MAGI2: variants seen among roughly 807,000 people sequenced by gnomAD.
MAGI2 encodes the protein membrane associated guanylate kinase, WW and PDZ domain containing 2, also known as membrane-associated guanylate kinase, WW and PDZ domain-containing protein 2.
MAGI2 carries 35 observed loss-of-function variants against 133.3 expected under a neutral mutation model. The observed-to-expected ratio is 0.26, with a 90% CI of 0.20 to 0.35. MAGI2 has a LOEUF of 0.35. MAGI2 is among the 10% of genes least tolerant of loss of function. MAGI2 has a pLI of 1.00. For missense variants in MAGI2, 1,636 were observed against 1,863.4 expected, an observed-to-expected ratio of 0.88 and a Z score of 2.25; for synonymous variants, 729 against 710.6, an observed-to-expected ratio of 1.03 and a Z score of -0.41.
At chr7:78,805,255 GT>G (rs1788475668) in intron 2 of MAGI2, among the ~76,000 whole-genome samples, 3 of 133,152 alleles carry the variant, frequency 2.3e-5, no homozygotes, top group Non-Finnish European at 3.2e-5. Flanking sequence ...TGAAGGAAGA[GT>G]AAAAAAAAAA....
chr7:79,231,733 C>T (rs1429028129), intron 1 of MAGI2, among the ~76,000 whole-genome samples: 2 of 136,212 alleles, frequency 1.5e-5, no homozygotes, highest in Non-Finnish European at 3.2e-5. Context: ...ATCATGTCGT[C>T]GGCAAACAGG....
At chr7:78,777,544 T>C (rs1432632529) in intron 2 of MAGI2, among the ~76,000 whole-genome samples, 2 of 152,142 alleles carry the variant, frequency 1.3e-5, no homozygotes, top group Non-Finnish European at 2.9e-5. Context: ...TTCACTACTA[T>C]CACTATCACC....
At chr7:78,837,472 C>T (rs1791737907) in intron 2 of MAGI2, among the ~76,000 whole-genome samples, 10 of 151,888 alleles carry the variant, frequency 6.6e-5, no homozygotes, top group Admixed American at 5.3e-4. Context: ...GAAGATAGAA[C>T]GAAAATAGTT....
At chr7:78,894,290 T>C (rs987951909) in intron 2 of MAGI2, among the ~76,000 whole-genome samples, 1 of 152,096 alleles carries the variant, frequency 6.6e-6, no homozygotes. Flanking sequence ...TAGTCCCAGC[T>C]ACTCCGGAGG....
intron 6 of MAGI2, among the ~76,000 whole-genome samples, chr7:78,383,277 A>G (rs910205487): frequency 1.3e-5 from 2 of 151,714 alleles, no homozygotes; most frequent in Non-Finnish European, 2.9e-5. Context: ...AACATCTGGT[A>G]TTTTTTTTGT....
chr7:78,887,407 G>A (rs28581269), intron 2 of MAGI2, among the ~76,000 whole-genome samples: 2,123 of 152,286 alleles, frequency 0.014, 47 homozygotes, highest in African/African-American at 0.049. Flanking sequence ...ATTTGAATCA[G>A]AAATTCTGGG....
intron 1 of MAGI2, among the ~76,000 whole-genome samples, chr7:79,242,704 T>C (rs1401564345): frequency 6.6e-6 from 1 of 152,224 alleles, no homozygotes; most frequent in Non-Finnish European, 1.5e-5. Context: ...TGTCCTTTTT[T>C]GGAGTTAACA....
intron 1 of MAGI2, among the ~76,000 whole-genome samples, chr7:79,039,855 TTATATATA>T (rs901795545): frequency 7.0e-6 from 1 of 142,910 alleles, no homozygotes; most frequent in African/African-American, 2.6e-5. Context: ...TACATATATA[TTATATATA>T]TATAATATAT....
chr7:78,155,891 C>A (rs963821016), intron 16 of MAGI2, among the ~76,000 whole-genome samples: 1 of 152,152 alleles, frequency 6.6e-6, no homozygotes, highest in Non-Finnish European at 1.5e-5. Context: ...AAGTAAGAAA[C>A]CCTAACTCCC....
intron 6 of MAGI2, among the ~76,000 whole-genome samples, chr7:78,480,000 A>G (rs1269968399): frequency 1.3e-5 from 2 of 151,960 alleles, no homozygotes; most frequent in East Asian, 1.9e-4. Flanking sequence ...AGTGGATATA[A>G]CAGGGCAGAA....
chr7:79,239,451 A>T (rs1257048965), intron 1 of MAGI2, among the ~76,000 whole-genome samples: 2 of 152,170 alleles, frequency 1.3e-5, no homozygotes. Context: ...GGTTTCAACA[A>T]CTCATCTTTT....
chr7:78,381,150 C>A (rs1230187371), intron 6 of MAGI2, among the ~76,000 whole-genome samples: 1 of 152,092 alleles, frequency 6.6e-6, no homozygotes, highest in Non-Finnish European at 1.5e-5. Context: ...AGTTTGAGAC[C>A]AGCCTGGCCA....
chr7:79,164,086 C>A (rs1824689886), intron 1 of MAGI2, among the ~76,000 whole-genome samples: 1 of 152,054 alleles, frequency 6.6e-6, no homozygotes, highest in South Asian at 2.1e-4. Context: ...GCCTTCCTAG[C>A]ACCCTGAGAC....
intron 4 of MAGI2, among the ~76,000 whole-genome samples, chr7:78,511,120 A>G (rs1481675627): frequency 1.3e-5 from 2 of 152,228 alleles, no homozygotes; most frequent in African/African-American, 4.8e-5. Context: ...CACTGCTGGA[A>G]GCTGGCTTAG....
intron 2 of MAGI2, among the ~76,000 whole-genome samples, chr7:78,811,005 T>A (rs1379650748): frequency 6.6e-6 from 1 of 152,034 alleles, no homozygotes; most frequent in Non-Finnish European, 1.5e-5. Context: ...GGCAATAAAT[T>A]GAAATCTTGT....
At chr7:79,240,880 A>G (rs1156248860) in intron 1 of MAGI2, among the ~76,000 whole-genome samples, 1 of 152,126 alleles carries the variant, frequency 6.6e-6, no homozygotes, top group Non-Finnish European at 1.5e-5. Flanking sequence ...TCACAGCTCT[A>G]GATTAGTCTA....
At chr7:78,836,411 T>C (rs1791620918) in intron 2 of MAGI2, among the ~76,000 whole-genome samples, 1 of 152,218 alleles carries the variant, frequency 6.6e-6, no homozygotes, top group African/African-American at 2.4e-5. Flanking sequence ...TTTTCACCTC[T>C]ATAGCATAGC....
chr7:78,971,891 T>C (rs1803819020), intron 2 of MAGI2, among the ~76,000 whole-genome samples: 1 of 151,994 alleles, frequency 6.6e-6, no homozygotes, highest in South Asian at 2.1e-4. Context: ...AGTATGGCTA[T>C]GCTTTATGTA....
chr7:78,636,990 T>C (rs1303934542), intron 2 of MAGI2, among the ~76,000 whole-genome samples: 2 of 152,186 alleles, frequency 1.3e-5, no homozygotes, highest in African/African-American at 4.8e-5. Context: ...CCTCTGACAC[T>C]GCGGGTCCAG....
Sources: gnomAD v4.1 joint callset for allele counts (sites outside exome capture counted in the v4.1 genomes callset) on GRCh38, gnomAD v4.1.1 for gene constraint, MANE v1.5 for transcripts, NCBI Gene and HGNC (gene_info 2026-07-23, HGNC 2026-07-21) for gene names.